ROBO2: variants seen among roughly 807,000 people sequenced by gnomAD.
ROBO2 encodes roundabout homolog 2.
A neutral mutation model predicts 160.8 loss-of-function variants in ROBO2; 53 were observed. The observed-to-expected ratio is 0.33, with a 90% CI of 0.26 to 0.41. The LOEUF (loss-of-function observed/expected upper bound fraction) is 0.41, where lower values mean the gene tolerates loss of function less well. Among genes scored for constraint, ROBO2 ranks in the 10% least tolerant of loss-of-function variants. ROBO2 has a pLI of 1.00. For missense variants in ROBO2, 1,577 were observed against 1,722.4 expected (o/e 0.92, Z 1.49); for synonymous variants, 664 against 611.7 (o/e 1.09, Z -1.26).
At chr3:76,550,366 A>G (rs1421216216) in intron 2 of ROBO2, among the ~76,000 whole-genome samples, 3 of 152,258 alleles carry the variant, frequency 2.0e-5, no homozygotes, top group African/African-American at 7.2e-5. Context: ...CTCTGTATCC[A>G]TAAATTCCAC....
intron 2 of ROBO2, among the ~76,000 whole-genome samples, chr3:77,016,369 A>G (rs2062254913): frequency 1.3e-5 from 2 of 152,092 alleles, no homozygotes; most frequent in Non-Finnish European, 2.9e-5. Context: ...TCCATACATA[A>G]ATCTATGTCT....
chr3:77,312,132 T>G (rs1213156400), intron 2 of ROBO2, among the ~76,000 whole-genome samples: 13 of 152,116 alleles, frequency 8.5e-5, no homozygotes, highest in Non-Finnish European at 1.5e-5. Context: ...TTTTTTAAGT[T>G]TTTATCCTTC....
intron 2 of ROBO2, among the ~76,000 whole-genome samples, chr3:76,340,794 G>A (rs1445734330): frequency 6.6e-6 from 1 of 152,074 alleles, no homozygotes; most frequent in Non-Finnish European, 1.5e-5. Flanking sequence ...CTAAAAAAAT[G>A]CATTGCTCAT....
intron 24 of ROBO2, among the ~76,000 whole-genome samples, chr3:77,644,116 TC>T (rs2095386547): frequency 2.2e-5 from 2 of 92,278 alleles, no homozygotes; most frequent in African/African-American, 4.5e-5. Flanking sequence ...AGAGAGACAA[TC>T]TGTAAAAAAA....
At chr3:77,203,747 G>A (rs1008140087) in intron 2 of ROBO2, among the ~76,000 whole-genome samples, 2 of 152,110 alleles carry the variant, frequency 1.3e-5, no homozygotes, top group East Asian at 1.9e-4. Context: ...TGAAACTGCC[G>A]CTGTTGGAAT....
intron 2 of ROBO2, among the ~76,000 whole-genome samples, chr3:76,507,619 A>G (rs2080862281): frequency 6.6e-6 from 1 of 152,156 alleles, no homozygotes. Flanking sequence ...CATACCAGAC[A>G]ATATTTTAAG....
At chr3:76,005,068 T>A (rs2065982955) in intron 2 of ROBO2, among the ~76,000 whole-genome samples, 1 of 152,176 alleles carries the variant, frequency 6.6e-6, no homozygotes, top group Non-Finnish European at 1.5e-5. Context: ...CACCATGAGA[T>A]GGCACAGAAA....
At chr3:76,435,113 A>C in intron 2 of ROBO2, 1 of 961,078 alleles carries the variant, frequency 1.0e-6, no homozygotes, top group South Asian at 1.3e-5. Context: ...ACTCCATTAC[A>C]GTAGATAACT....
chr3:76,065,841 G>A (rs969794815), intron 2 of ROBO2, among the ~76,000 whole-genome samples: 1 of 150,822 alleles, frequency 6.6e-6, no homozygotes, highest in African/African-American at 2.5e-5. Context: ...AATTTTGTCT[G>A]AAATATTTTA....
chr3:77,321,500 C>CAG (rs746003406), intron 2 of ROBO2, among the ~76,000 whole-genome samples: 4 of 151,246 alleles, frequency 2.6e-5, no homozygotes, highest in South Asian at 2.1e-4. Context: ...GCCTGAGTGA[C>CAG]AGAGAGAGAG....
At chr3:76,704,234 G>C (rs947433074) in intron 2 of ROBO2, among the ~76,000 whole-genome samples, 3 of 151,992 alleles carry the variant, frequency 2.0e-5, no homozygotes, top group Admixed American at 6.6e-5. Context: ...AGTTCCTCTG[G>C]CTGTGTATCA....
chr3:76,242,595 C>A (rs1026558599), intron 2 of ROBO2, among the ~76,000 whole-genome samples: 1 of 152,076 alleles, frequency 6.6e-6, no homozygotes, highest in Non-Finnish European at 1.5e-5. Flanking sequence ...GCAAGAAATC[C>A]CACATCTAGG....
At chr3:77,351,458 T>C (rs533808705) in intron 2 of ROBO2, among the ~76,000 whole-genome samples, 1 of 152,258 alleles carries the variant, frequency 6.6e-6, no homozygotes, top group East Asian at 1.9e-4. Flanking sequence ...GTGAAGATAT[T>C]GATCATGAGA....
intron 2 of ROBO2, among the ~76,000 whole-genome samples, chr3:77,379,385 T>A (rs1420078269): frequency 6.6e-6 from 1 of 152,138 alleles, no homozygotes; most frequent in Non-Finnish European, 1.5e-5. Flanking sequence ...TGACTCCTGG[T>A]ATGCACTCAA....
At chr3:76,406,643 C>T (rs77811010) in intron 2 of ROBO2, among the ~76,000 whole-genome samples, 3,638 of 151,866 alleles carry the variant, frequency 0.024, 67 homozygotes, top group Non-Finnish European at 0.033. Flanking sequence ...AGCAAAGAAT[C>T]CCACTAATGG....
At chr3:76,693,048 CTA>C (rs10583136) in intron 2 of ROBO2, among the ~76,000 whole-genome samples, 30,301 of 147,714 alleles carry the variant, frequency 0.21, 5,130 homozygotes, top group African/African-American at 0.46. Context: ...GTCTCTCTCC[CTA>C]TATATATAGT....
intron 2 of ROBO2, among the ~76,000 whole-genome samples, chr3:76,122,554 A>G (rs377265240): frequency 6.6e-6 from 1 of 152,246 alleles, no homozygotes; most frequent in African/African-American, 2.4e-5. Flanking sequence ...CTAAAATATG[A>G]CCAATTTTTA....
chr3:77,493,159 G>A, intron 4 of ROBO2, 85 bp from the exon 5 acceptor site: 1 of 1,436,966 alleles, frequency 7.0e-7, no homozygotes, highest in Non-Finnish European at 9.8e-7. Context: ...AAGTAAATTA[G>A]GTTTCCTTTG....
At chr3:75,934,508 A>G (rs2106970431) in intron 1 of ROBO2, among the ~76,000 whole-genome samples, 2 of 152,244 alleles carry the variant, frequency 1.3e-5, no homozygotes, top group Admixed American at 1.3e-4. Context: ...TTTTTTTTAA[A>G]TGAATTGAGT....
Sources: allele counts gnomAD v4.1 joint callset (sites outside exome capture counted in the v4.1 genomes callset), GRCh38; gene constraint gnomAD v4.1.1; transcripts MANE v1.5; gene names NCBI Gene and HGNC (gene_info 2026-07-23, HGNC 2026-07-21).